The following TERT variants were observed in gnomAD, a reference collection of about 807,000 sequenced individuals.
The protein encoded by TERT is telomerase catalytic subunit.
In TERT, 42 loss-of-function variants were observed where a neutral mutation model predicts 104.0. That is an observed-to-expected ratio of 0.40 (90% CI 0.32 to 0.52). TERT has a LOEUF of 0.52. TERT is among the 20% of genes least tolerant of loss of function. The pLI, the probability that TERT is intolerant of heterozygous loss-of-function variation, is 0.43. For synonymous variants in TERT, 781 were observed against 725.6 expected (o/e 1.08, Z -1.23); for missense variants, 1,101 against 1,610.3 (o/e 0.68, Z 5.41).
chr5:1,285,383 C>A (rs1249299215), intron 2 of TERT, among the ~76,000 whole-genome samples: 1 of 152,122 alleles, frequency 6.6e-6, no homozygotes, highest in African/African-American at 2.4e-5. Flanking sequence ...GAGATGGCCA[C>A]GCACGGGACC....
chr5:1,284,862 G>A (rs1229193523), intron 2 of TERT, among the ~76,000 whole-genome samples: 3 of 139,860 alleles, frequency 2.1e-5, no homozygotes, highest in Non-Finnish European at 4.6e-5. Flanking sequence ...CTCACCGCAC[G>A]GTCTGGCACC....
In TERT at chr5:1,257,427, C is replaced by T. The variant is rs528990800; in HGVS notation, c.3032+1171G>A. Among the ~76,000 whole-genome samples the T allele has an allele frequency of 6.6e-6, 1 of 152,274 alleles. No individual in the cohort carries two copies. The highest frequency in any genetic ancestry group is 6.5e-5 in the Admixed American group (1 of 15,302). On this transcript the variant is annotated intron_variant, in intron 13 of 15. Transcript: ENST00000310581. The surrounding 1 kb of genome is among the most constrained non-coding windows in gnomAD (Gnocchi z 5.6). The stretch of plus-strand genomic sequence containing the variant: ...CTCCAGTCCTCAGTGGCACCTGTAT[C>T]CAGCACACCCCAAGGGTTTCCGGAA...
In TERT at chr5:1,253,277, C is replaced by G; in HGVS notation, c.*451G>C. The G allele has an allele frequency of 2.9e-6, 1 of 341,036 alleles. No individual in the cohort carries two copies. The highest frequency in any genetic ancestry group is 4.8e-5 in the South Asian group (1 of 21,032). 21.1% of individuals were successfully genotyped at this position (341,036 alleles called of 1,614,324 possible). A position where few individuals can be genotyped will look rare whatever the true frequency, so the allele number is the denominator to read the frequency against. On this transcript the variant is annotated 3_prime_UTR_variant, in exon 16 of 16. Coordinates refer to ENST00000310581, the MANE Select transcript of TERT (RefSeq NM_198253.3). ...CAGGTGCAGGGTCCTCGCCTGTGTA[C>G]AGGGCACACCTTTGGTCACTCCAAA...
At position 1,294,239 on chromosome 5, in the gene TERT, A is replaced by C; in HGVS notation, c.647T>G (p.Leu216Arg). Residue 216 changes from leucine to arginine, a missense_variant, in exon 2 of 16, where the codon CTG becomes CGG. By Grantham distance (102) the Leu-to-Arg change is moderately radical. This residue lies in a region of TERT where 504 missense variants were observed against 544.6 expected (regional missense o/e 0.93). Transcript: ENST00000310581. ...SVREAGVPLG[L>R]PAPGARRRGG... ...GCGCCTCCTCGCACCCGGGGCTGGC[A>C]GGCCCAGGGGGACCCCGGCCTCCCT... is the stretch of plus-strand genomic sequence containing the variant. The C allele has an allele frequency of 6.3e-7, 1 of 1,589,362 alleles. No individual in the cohort carries two copies. The highest frequency in any genetic ancestry group is 8.5e-7 in the Non-Finnish European group (1 of 1,173,946).
chr5:1,294,326 G>A lies in TERT; in HGVS notation c.560C>T (p.Pro187Leu), dbSNP rs906128293. ...CCTTCGGGGTCCACTAGCGTGTGGC[G>A]GGGGCCGGGCCTGAGTGGCAGCGCC... ...QLGAATQARP[P>L]PHASGPRRRL... Residue 187 changes from proline (P) to leucine (L), a missense_variant, in exon 2 of 16, where the codon CCG (proline) becomes CTG (leucine). By Grantham distance (98) the Pro-to-Leu change is moderately conservative. Around this residue, in one of 5 missense-constraint regions of TERT, gnomAD observed 504 missense variants for 544.6 expected, o/e 0.93. Coordinates refer to ENST00000310581, the MANE Select transcript of TERT (RefSeq NM_198253.3). 6.3e-7 allele frequency: 1 copy of A among 1,583,548 alleles called. No homozygotes were observed. The highest frequency in any genetic ancestry group is 8.5e-7 in the Non-Finnish European group (1 of 1,171,904).
At chr5:1,284,484 C>T (rs1750327345) in intron 2 of TERT, among the ~76,000 whole-genome samples, 1 of 117,376 alleles carries the variant, frequency 8.5e-6, no homozygotes, top group Non-Finnish European at 1.9e-5. Context: ...CTCCATACAT[C>T]CAGCTCACCG....
rs1335976402 is a variant in TERT, at chr5:1,278,893, C to A, written c.2131-97G>T. ...CTGGCCTGGCGGTGTCCCCCACTCT[C>A]TCTCTGACCCCCACCACTCCAGACC... On this transcript the variant is annotated intron_variant, in intron 5 of 15. Coordinates refer to ENST00000310581, the MANE Select transcript of TERT (RefSeq NM_198253.3). The A allele has an allele frequency of 5.2e-6, 8 of 1,531,844 alleles. No homozygotes were observed. In the Admixed American group the frequency reaches 1.4e-4, roughly 26 times the overall value. 94.9% of individuals were successfully genotyped at this position (1,531,844 alleles called of 1,614,324 possible).
At chr5:1,254,019 C>T (rs944785320) in intron 15 of TERT, among the ~76,000 whole-genome samples, 188 bp from the exon 16 acceptor site, 4 of 152,172 alleles carry the variant, frequency 2.6e-5, no homozygotes, top group Admixed American at 2.0e-4. Context: ...GACGCTGGAG[C>T]GGCGGGGCGG....
chr5:1,266,290 C>A (rs536176401), intron 10 of TERT, among the ~76,000 whole-genome samples, 174 bp downstream of exon 10: 2 of 152,370 alleles, frequency 1.3e-5, no homozygotes, highest in Admixed American at 1.3e-4. Context: ...GGTGCCCCTG[C>A]GCCCCCAGGC....
chr5:1,294,553 G>A lies in TERT; in HGVS notation c.333C>T (p.Pro111=), dbSNP rs1219645009. 1 of 1,580,882 alleles carries A rather than the reference G, an allele frequency of 6.3e-7. No individual in the cohort carries two copies. Among genetic ancestry groups the A allele is most frequent in the Non-Finnish European group, 8.5e-7 (1 of 1,171,326 alleles). ...GCACGCTGGTGGTGAAGGCCTCGGG[G>A]GGGCCCCCGCGGGCCCCGTCCAGCA... ...FALLDGARGG[P]PEAFTTSVRS... Residue 111 remains proline, a synonymous_variant, in exon 2 of 16, where the codon CCC becomes CCT. Coordinates refer to ENST00000310581, the MANE Select transcript of TERT (RefSeq NM_198253.3).
intron 10 of TERT, 101 bp downstream of exon 10, chr5:1,266,363 G>T: frequency 9.4e-7 from 1 of 1,064,980 alleles, no homozygotes; most frequent in Non-Finnish European, 1.4e-6. Context: ...GAGAGGACTT[G>T]GCAGAGACAA....
chr5:1,272,361 C>A, intron 6 of TERT, 81 bp from the exon 7 acceptor site: 2 of 1,243,664 alleles, frequency 1.6e-6, no homozygotes, highest in Non-Finnish European at 2.3e-6. Context: ...CCGATCAGGA[C>A]GTGTGGACCT....
At chr5:1,259,567 ACG>A (rs1748043869) in intron 12 of TERT, among the ~76,000 whole-genome samples, 1 of 126,870 alleles carries the variant, frequency 7.9e-6, no homozygotes, top group African/African-American at 3.1e-5. Context: ...GAGGGAGTGG[ACG>A]CAGATGCCCA....
rs113910915 is a variant in TERT at position 1,269,376 on chromosome 5, G to A, written c.2469-743C>T. On this transcript the variant is annotated intron_variant, in intron 8 of 15. Transcript: ENST00000310581. The surrounding 1 kb of genome is among the most constrained non-coding windows in gnomAD (Gnocchi z 9.0). Reference sequence around the variant, plus strand: ...TGTAATCCCAGCACTTTGGGAGGCCGAGGTGGGTGGATCACCTGAGGTCAG... The same window carrying A: ...TGTAATCCCAGCACTTTGGGAGGCCAAGGTGGGTGGATCACCTGAGGTCAG... Among the ~76,000 whole-genome samples, 50 of 152,240 alleles carry A rather than the reference G, an allele frequency of 3.3e-4. No homozygotes were observed. Among genetic ancestry groups the A allele is most frequent in the African/African-American group, 8.4e-4 (35 of 41,544 alleles).
intron 13 of TERT, 45 bp downstream of exon 13, chr5:1,258,553 G>A (rs1346941324): frequency 3.2e-6 from 5 of 1,538,898 alleles, no homozygotes; most frequent in Admixed American, 2.0e-5. Context: ...GCAGAGCGCG[G>A]AGGGTCCCTG....
intron 6 of TERT, among the ~76,000 whole-genome samples, chr5:1,273,919 T>C (rs538840464): frequency 1.3e-5 from 2 of 152,186 alleles, no homozygotes; most frequent in Non-Finnish European, 2.9e-5. Flanking sequence ...GGGATGCAGG[T>C]GCAGCCACAG....
intron 2 of TERT, among the ~76,000 whole-genome samples, chr5:1,291,037 G>A (rs1289391075): frequency 1.6e-5 from 2 of 121,458 alleles, no homozygotes; most frequent in Non-Finnish European, 1.7e-5. Flanking sequence ...CACCCTGCAC[G>A]GGACAGGGAC....
At chr5:1,273,906 G>A (rs993605601) in intron 6 of TERT, among the ~76,000 whole-genome samples, 5 of 152,236 alleles carry the variant, frequency 3.3e-5, no homozygotes, top group African/African-American at 1.2e-4. Flanking sequence ...TGGAGGGATT[G>A]CAGGGATGCA....
In TERT at chr5:1,280,529, G is replaced by C. The variant is rs570743880; in HGVS notation, c.1770-191C>G. On this transcript the variant is annotated intron_variant, in intron 3 of 15. Transcript: ENST00000310581. ...GCCTCTGAGAGCCCCTCTACTTGCA[G>C]GGCACCTGGACACCTGGTCCTATAG... Among the ~76,000 whole-genome samples the C allele has an allele frequency of 3.9e-4, 59 of 152,296 alleles. 1 individual carries two copies. The Middle Eastern group carries it at 0.01, about 26-fold the overall frequency.
Sources: allele counts gnomAD v4.1 joint callset (sites outside exome capture counted in the v4.1 genomes callset), GRCh38; gene constraint gnomAD v4.1.1; regional missense constraint gnomAD v4.1.1; non-coding constraint Gnocchi (gnomAD v3.1); transcripts MANE v1.5; gene names NCBI Gene and HGNC (gene_info 2026-07-23, HGNC 2026-07-21).